OR8B8: variants seen among roughly 807,000 people sequenced by gnomAD.
OR8B8 encodes the protein olfactory receptor 8B8.
A neutral mutation model predicts 10.5 loss-of-function variants in OR8B8; 8 were observed. The ratio of observed to expected loss-of-function variants is 0.76; its 90% confidence interval spans 0.45 to 1.38. The LOEUF (loss-of-function observed/expected upper bound fraction) is 1.38, where lower values mean the gene tolerates loss of function less well. Among genes scored for constraint, OR8B8 ranks in the 40% most tolerant of loss-of-function variants. OR8B8 has a pLI of 0.00. For synonymous variants in OR8B8, 150 were observed against 145.2 expected, an observed-to-expected ratio of 1.03 and a Z score of -0.24; for missense variants, 390 against 380.5, an observed-to-expected ratio of 1.03 and a Z score of -0.21.
rs1391067298 is a variant in OR8B8, at chr11:124,438,310, A to G, written c.*1840T>C. ...GTTGTTTATCTAGTCCATGCTGTCC[A>G]AGACACAATCCCTCATTCTTTTGAA... On this transcript the variant is annotated 3_prime_UTR_variant, in exon 3 of 3. Transcript: ENST00000642064. 6.6e-6 allele frequency: 1 copy of G among 152,236 alleles called. No homozygotes were observed. The highest frequency in any genetic ancestry group is 1.9e-4 in the East Asian group (1 of 5,200). 9.4% of individuals were successfully genotyped at this position (152,236 alleles called of 1,614,324 possible). A position where few individuals can be genotyped will look rare whatever the true frequency, so the allele number is the denominator to read the frequency against.
At chr11:124,442,458 A>T (rs1191062235) in intron 1 of OR8B8, among the ~76,000 whole-genome samples, 3 of 152,246 alleles carry the variant, frequency 2.0e-5, no homozygotes, top group Admixed American at 2.0e-4. Flanking sequence ...CCTATCACTT[A>T]TATTTCAGTT....
Position 124,440,612 on chromosome 11 carries a change from G to A in OR8B8, c.474C>T (p.Ala158=). The change falls in exon 3 of 3, where the codon GCC becomes GCT. Residue 158 remains alanine, a synonymous_variant. Coordinates refer to ENST00000642064, the MANE Select transcript of OR8B8 (RefSeq NM_012378.2). The stretch of plus-strand genomic sequence containing the variant: ...TCACACCCATCATGCACGCTGTGTG[G>A]GCCATGGCCCCAGCAAACCCCATCC... ...VYGMGFAGAM[A]HTACMMGVTF... 6.2e-7 allele frequency: 1 copy of A among 1,614,112 alleles called. No homozygotes were observed. The highest frequency in any genetic ancestry group is 8.5e-7 in the Non-Finnish European group (1 of 1,180,036).
chr11:124,442,143 C>T (rs1861481446), intron 1 of OR8B8, among the ~76,000 whole-genome samples: 1 of 152,098 alleles, frequency 6.6e-6, no homozygotes, highest in Admixed American at 6.5e-5. Context: ...TTTAATTCTA[C>T]CCCAAATTCT....
rs921210592 is a variant in OR8B8, at chr11:124,440,073, A to G, written c.*77T>C. ...ATGAACCTGTTTGAGGAAAAATTATATTTCTTCCATGTAACCAGTGGAGTC... is the reference window on the plus strand; with the variant it reads ...ATGAACCTGTTTGAGGAAAAATTATGTTTCTTCCATGTAACCAGTGGAGTC... On this transcript the variant is annotated 3_prime_UTR_variant, in exon 3 of 3. Coordinates refer to ENST00000642064, the MANE Select transcript of OR8B8 (RefSeq NM_012378.2). The G allele has an allele frequency of 1.2e-5, 14 of 1,187,766 alleles. No individual in the cohort carries two copies. Among genetic ancestry groups the G allele is most frequent in the Non-Finnish European group, 1.5e-5 (13 of 839,848 alleles). 73.6% of individuals were successfully genotyped at this position (1,187,766 alleles called of 1,614,324 possible).
In OR8B8 at chr11:124,440,640, T is replaced by C. The variant is rs774461817; in HGVS notation, c.446A>G (p.Tyr149Cys). 27 of 1,613,824 alleles carry C rather than the reference T, an allele frequency of 1.7e-5. No individual in the cohort carries two copies. Among genetic ancestry groups the C allele is most frequent in the Non-Finnish European group, 1.9e-5 (23 of 1,180,022 alleles). Residue 149 changes from tyrosine (Y) to cysteine (C), a missense_variant, in exon 3 of 3, where the codon TAT becomes TGT. Physicochemically the swap from Tyr to Cys is radical, Grantham distance 194 (BLOSUM62 -2). Transcript: ENST00000642064. ...QVCFLLLLGV[Y>C]GMGFAGAMAH... ...CATGGCCCCAGCAAACCCCATCCCA[T>C]AGACACCCAACAAAAGGAGAAAACA...
intron 1 of OR8B8, among the ~76,000 whole-genome samples, chr11:124,442,262 T>G (rs1861482105): frequency 1.3e-5 from 2 of 152,236 alleles, no homozygotes; most frequent in Non-Finnish European, 2.9e-5. Context: ...TTTGGTGTTC[T>G]TAATAACTGA....
intron 1 of OR8B8, among the ~76,000 whole-genome samples, chr11:124,445,172 C>T (rs193067685): frequency 1.8e-4 from 27 of 152,324 alleles, no homozygotes; most frequent in Non-Finnish European, 2.8e-4. Flanking sequence ...CCAACATTCA[C>T]AATCTTAGTG....
chr11:124,440,304 T>A lies in OR8B8; in HGVS notation c.782A>T (p.Lys261Ile), dbSNP rs536689579. Residue 261 changes from lysine to isoleucine, a missense_variant, in exon 3 of 3, where the codon AAA (lysine) becomes ATA (isoleucine). By Grantham distance (102) the Lys-to-Ile change is moderately radical. Coordinates refer to ENST00000642064, the MANE Select transcript of OR8B8 (RefSeq NM_012378.2). ...FFGSGAFMYL[K>I]PFSLLAMNQG... ...GTTCATAGCTAAAAGAGAAAAGGGTTTGAGGTACATGAATGCTCCTGACCC... is the reference window on the plus strand; with the variant it reads ...GTTCATAGCTAAAAGAGAAAAGGGTATGAGGTACATGAATGCTCCTGACCC... 3.1e-6 allele frequency: 5 copies of A among 1,614,112 alleles called. No individual in the cohort carries two copies. The South Asian group carries it at 5.5e-5, about 18-fold the overall frequency.
chr11:124,440,326 A>T lies in OR8B8; in HGVS notation c.760T>A (p.Ser254Thr). 1 of 1,614,206 alleles carries T rather than the reference A, an allele frequency of 6.2e-7. No individual in the cohort carries two copies. Among genetic ancestry groups the T allele is most frequent in the East Asian group, 2.2e-5 (1 of 44,874 alleles). Reference sequence around the variant, plus strand: ...GGTTTGAGGTACATGAATGCTCCTGACCCAAAGAACAGAGAAACTGCAATT... The same window carrying T: ...GGTTTGAGGTACATGAATGCTCCTGTCCCAAAGAACAGAGAAACTGCAATT... ...HIIAVSLFFGSGAFMYLKPFS... is the reference protein window; with the variant it reads ...HIIAVSLFFGTGAFMYLKPFS... Residue 254 changes from serine to threonine, a missense_variant, in exon 3 of 3, where the codon TCA becomes ACA. Coordinates refer to ENST00000642064, the MANE Select transcript of OR8B8 (RefSeq NM_012378.2).
In OR8B8 at chr11:124,439,522, C is replaced by G. The variant is rs1019559976; in HGVS notation, c.*628G>C. 2 of 152,516 alleles carry G rather than the reference C, an allele frequency of 1.3e-5. No individual in the cohort carries two copies. The highest frequency in any genetic ancestry group is 4.8e-5 in the African/African-American group (2 of 41,464). 9.4% of individuals were successfully genotyped at this position (152,516 alleles called of 1,614,324 possible). ...TCTTCCACCCAGCATCACTAAAACC[C>G]TTCAAGTCCAAGTCCCTGAAGCTCC... is the stretch of plus-strand genomic sequence containing the variant. On this transcript the variant is annotated 3_prime_UTR_variant, in exon 3 of 3. Transcript: ENST00000642064.
chr11:124,444,982 G>C (rs1014422671), intron 1 of OR8B8, among the ~76,000 whole-genome samples: 2 of 151,730 alleles, frequency 1.3e-5, no homozygotes, highest in African/African-American at 2.4e-5. Flanking sequence ...TCAGGCCCTT[G>C]AGTATATTAC....
rs558541799 is a variant in OR8B8 at position 124,441,264 on chromosome 11, A to C, written c.-16-163T>G. On this transcript the variant is annotated intron_variant, in intron 2 of 2. Coordinates refer to ENST00000642064, the MANE Select transcript of OR8B8 (RefSeq NM_012378.2). ...TCCCTCTGGAGCAAGCCCCGCCTCC[A>C]TGGCCAGGGCAGGTGCTGCTGGCAA... 3.6e-4 allele frequency: 211 copies of C among 590,724 alleles called. 4 individuals are homozygous for C. In the South Asian group the frequency reaches 4.3e-3, roughly 12 times the overall value. 36.6% of individuals were successfully genotyped at this position (590,724 alleles called of 1,614,324 possible).
chr11:124,442,549 C>G (rs1861485400), intron 1 of OR8B8, among the ~76,000 whole-genome samples: 1 of 151,590 alleles, frequency 6.6e-6, no homozygotes, highest in Admixed American at 6.6e-5. Flanking sequence ...CAGTAAAAAT[C>G]AATCTCGATT....
rs1222231470 is a variant in OR8B8 at position 124,439,976 on chromosome 11, C to T, written c.*174G>A. ...GCGGGGAACTGAGTGAAATGATCCTCAAGACTTACTGTGTGAGTATTCAAA... is the reference window on the plus strand; with the variant it reads ...GCGGGGAACTGAGTGAAATGATCCTTAAGACTTACTGTGTGAGTATTCAAA... On this transcript the variant is annotated 3_prime_UTR_variant, in exon 3 of 3. Transcript: ENST00000642064. 4 of 602,546 alleles carry T rather than the reference C, an allele frequency of 6.6e-6. No individual in the cohort carries two copies. Among genetic ancestry groups the T allele is most frequent in the Admixed American group, 3.0e-5 (1 of 33,542 alleles). 37.3% of individuals were successfully genotyped at this position (602,546 alleles called of 1,614,324 possible). A position where few individuals can be genotyped will look rare whatever the true frequency, so the allele number is the denominator to read the frequency against.
Position 124,440,721 on chromosome 11 carries a change from C to A in OR8B8, c.365G>T (p.Arg122Leu). ...SFILSAMAYD[R>L]YVAICNPLLY... The stretch of plus-strand genomic sequence containing the variant: ...CAGTGGGTTACAGATGGCCACATAG[C>A]GGTCATACGCCATTGCTGACAGGAT... The change falls in exon 3 of 3, where the codon CGC becomes CTC. Residue 122 changes from arginine (R) to leucine (L), a missense_variant. By Grantham distance (102) the Arg-to-Leu change is moderately radical. Coordinates refer to ENST00000642064, the MANE Select transcript of OR8B8 (RefSeq NM_012378.2). 1 of 1,614,108 alleles carries A rather than the reference C, an allele frequency of 6.2e-7. No homozygotes were observed. Among genetic ancestry groups the A allele is most frequent in the South Asian group, 1.1e-5 (1 of 91,080 alleles).
chr11:124,440,602 A>G lies in OR8B8; in HGVS notation c.484T>C (p.Cys162Arg). 1 of 1,614,210 alleles carries G rather than the reference A, an allele frequency of 6.2e-7. No individual in the cohort carries two copies. Among genetic ancestry groups the G allele is most frequent in the East Asian group, 2.2e-5 (1 of 44,880 alleles). ...GCACAGAAGGTCACACCCATCATGC[A>G]CGCTGTGTGGGCCATGGCCCCAGCA... Reference protein sequence around the residue: ...GFAGAMAHTACMMGVTFCANN... With the variant: ...GFAGAMAHTARMMGVTFCANN... The change falls in exon 3 of 3, where the codon TGC becomes CGC. Residue 162 changes from cysteine (C) to arginine (R), a missense_variant. By Grantham distance (180) the Cys-to-Arg change is radical (BLOSUM62 -3). Coordinates refer to ENST00000642064, the MANE Select transcript of OR8B8 (RefSeq NM_012378.2).
chr11:124,444,539 ATG>A (rs1861507946), intron 1 of OR8B8, among the ~76,000 whole-genome samples: 1 of 152,198 alleles, frequency 6.6e-6, no homozygotes, highest in Non-Finnish European at 1.5e-5. Context: ...AACTATAATG[ATG>A]CTAGCAACAT....
chr11:124,440,350 T>C lies in OR8B8; in HGVS notation c.736A>G (p.Ile246Val), dbSNP rs762110284. 47 of 1,613,956 alleles carry C rather than the reference T, an allele frequency of 2.9e-5. No homozygotes were observed. Among genetic ancestry groups the C allele is most frequent in the Non-Finnish European group, 9.3e-6 (11 of 1,180,000 alleles). The stretch of plus-strand genomic sequence containing the variant: ...GACCCAAAGAACAGAGAAACTGCAA[T>C]TATGTGGGAGCTGCAGGTGCTGAAG... ...KAFSTCSSHIIAVSLFFGSGA... is the reference protein window; with the variant it reads ...KAFSTCSSHIVAVSLFFGSGA... Residue 246 changes from isoleucine (I) to valine (V), a missense_variant, in exon 3 of 3, where the codon ATT (isoleucine) becomes GTT (valine). By Grantham distance (29) the Ile-to-Val change is conservative. Transcript: ENST00000642064.
rs776978624 is a variant in OR8B8, at chr11:124,440,761, C to G, written c.325G>C (p.Val109Leu). 3.7e-6 allele frequency: 6 copies of G among 1,614,046 alleles called. No individual in the cohort carries two copies. The South Asian group carries it at 6.6e-5, about 18-fold the overall frequency. The change falls in exon 3 of 3, where the codon GTC (valine) becomes CTC (leucine). Residue 109 changes from valine to leucine, a missense_variant. Coordinates refer to ENST00000642064, the MANE Select transcript of OR8B8 (RefSeq NM_012378.2). The part of the protein sequence containing the change: ...TQLFFFLFFV[V>L]SESFILSAMA... ...GCTGACAGGATGAAGGACTCAGAGA[C>G]AACAAAGAAAAGAAAGAAGAAGAGC...
Sources: allele counts gnomAD v4.1 joint callset (sites outside exome capture counted in the v4.1 genomes callset), GRCh38; gene constraint gnomAD v4.1.1; transcripts MANE v1.5; gene names NCBI Gene and HGNC (gene_info 2026-07-23, HGNC 2026-07-21).